Variants in RMND1 observed in about 807,000 individuals in gnomAD.
RMND1 encodes the protein required for meiotic nuclear division 1 homolog, also known as required for meiotic nuclear division protein 1 homolog.
RMND1 carries 41 observed loss-of-function variants against 54.0 expected under a neutral mutation model. The observed-to-expected ratio is 0.76, with a 90% CI of 0.59 to 0.98. The LOEUF (loss-of-function observed/expected upper bound fraction) is 0.98, where lower values mean the gene tolerates loss of function less well. Ranked by LOEUF, RMND1 falls within the 50% of genes least tolerant of loss-of-function variation. The pLI is 0.00. For missense variants in RMND1, 457 were observed against 532.0 expected (o/e 0.86, Z 1.39); for synonymous variants, 183 against 181.7 (o/e 1.01, Z -0.06).
intron 9 of RMND1, 26 bp downstream of exon 9, chr6:151,421,219 A>G: frequency 6.7e-7 from 1 of 1,486,308 alleles, no homozygotes; most frequent in East Asian, 2.3e-5. Flanking sequence ...TATATGAAAT[A>G]TTTTATTTAG....
At chr6:151,440,777 T>C (rs1053202318) in intron 2 of RMND1, among the ~76,000 whole-genome samples, 2 of 152,262 alleles carry the variant, frequency 1.3e-5, no homozygotes, top group African/African-American at 4.8e-5. Flanking sequence ...CTTTTTTTAT[T>C]TTAGCCTATT....
intron 1 of RMND1, among the ~76,000 whole-genome samples, chr6:151,446,253 T>A (rs1172952772): frequency 1.3e-5 from 2 of 151,882 alleles, no homozygotes; most frequent in African/African-American, 4.8e-5. Context: ...TGAAACCTCA[T>A]CTCTACAAAA....
At chr6:151,445,921 A>C (rs1780941637) in intron 1 of RMND1, 96 bp from the exon 2 acceptor site, 1 of 1,170,534 alleles carries the variant, frequency 8.5e-7, no homozygotes, top group South Asian at 1.7e-5. Flanking sequence ...TGTTAGAAAA[A>C]TTTGTAAAAC....
At chr6:151,425,946 C>CT (rs67910450) in intron 6 of RMND1, among the ~76,000 whole-genome samples, 50,158 of 137,580 alleles carry the variant, frequency 0.36, 9,532 homozygotes, top group African/African-American at 0.44. Context: ...GCTTTTAACG[C>CT]TTTTTTTTTT....
At chr6:151,431,257 T>C (rs1168011614) in intron 4 of RMND1, among the ~76,000 whole-genome samples, 1 of 151,700 alleles carries the variant, frequency 6.6e-6, no homozygotes, top group African/African-American at 2.4e-5. Flanking sequence ...GGTCAAGCAG[T>C]GGGCAAGCAG....
chr6:151,430,303 A>G, intron 4 of RMND1, 126 bp from the exon 5 acceptor site: 1 of 630,346 alleles, frequency 1.6e-6, no homozygotes, highest in Admixed American at 2.6e-5. Flanking sequence ...GATGGTACTT[A>G]CTAATTTGAT....
intron 1 of RMND1, among the ~76,000 whole-genome samples, chr6:151,448,621 C>T (rs1362984369): frequency 6.6e-6 from 1 of 152,170 alleles, no homozygotes; most frequent in South Asian, 2.1e-4. Context: ...ATAATACTAC[C>T]TGATCCAAAC....
intron 2 of RMND1, among the ~76,000 whole-genome samples, chr6:151,440,367 A>C (rs1203189547): frequency 1.3e-5 from 2 of 152,268 alleles, no homozygotes; most frequent in Non-Finnish European, 2.9e-5. Flanking sequence ...CTGGTATCCC[A>C]AATTATGTGA....
At chr6:151,441,898 A>G (rs1420058248) in intron 2 of RMND1, among the ~76,000 whole-genome samples, 3 of 152,208 alleles carry the variant, frequency 2.0e-5, no homozygotes, top group African/African-American at 7.2e-5. Flanking sequence ...GATGGTTGTC[A>G]TAGAGCTGGT....
At chr6:151,441,768 G>A (rs1780782655) in intron 2 of RMND1, among the ~76,000 whole-genome samples, 1 of 152,158 alleles carries the variant, frequency 6.6e-6, no homozygotes, top group Non-Finnish European at 1.5e-5. Context: ...ACTTCACTCT[G>A]TGCACCTCTA....
chr6:151,427,950 G>C (rs1780348876), intron 5 of RMND1, among the ~76,000 whole-genome samples: 1 of 151,930 alleles, frequency 6.6e-6, no homozygotes, highest in African/African-American at 2.4e-5. Context: ...GACCAGCCTG[G>C]GCAACGTGGC....
At chr6:151,433,953 C>T (rs1253924879) in intron 3 of RMND1, among the ~76,000 whole-genome samples, 1 of 139,874 alleles carries the variant, frequency 7.1e-6, no homozygotes, top group Non-Finnish European at 1.5e-5. Context: ...CCCCCCGCCC[C>T]ACCCACCTCA....
At chr6:151,438,153 CTAGTTCT>C (rs1780666327) in intron 2 of RMND1, among the ~76,000 whole-genome samples, 1 of 152,160 alleles carries the variant, frequency 6.6e-6, no homozygotes, top group Non-Finnish European at 1.5e-5. Flanking sequence ...CCTGTGAGCA[CTAGTTCT>C]TTTTAAGGCT....
At chr6:151,446,507 G>C (rs1229750879) in intron 1 of RMND1, among the ~76,000 whole-genome samples, 1 of 152,080 alleles carries the variant, frequency 6.6e-6, no homozygotes, top group Non-Finnish European at 1.5e-5. Flanking sequence ...CTTGGGGCTG[G>C]GCATGGGAGT....
intron 2 of RMND1, among the ~76,000 whole-genome samples, chr6:151,443,493 T>G (rs1051353478): frequency 1.3e-5 from 2 of 152,120 alleles, no homozygotes; most frequent in Admixed American, 1.3e-4. Context: ...TGTATATTTG[T>G]AGAGACAGGG....
intron 1 of RMND1, among the ~76,000 whole-genome samples, chr6:151,450,401 G>A (rs1205511159): frequency 6.9e-6 from 1 of 144,542 alleles, no homozygotes; most frequent in African/African-American, 2.8e-5. Context: ...CCGGGAGGGA[G>A]GTGGGGGTCA....
At chr6:151,412,633 A>C (rs1160868564) in intron 10 of RMND1, among the ~76,000 whole-genome samples, 3 of 152,198 alleles carry the variant, frequency 2.0e-5, no homozygotes, top group African/African-American at 4.8e-5. Flanking sequence ...TTATAAAGAA[A>C]AGAGGCCTAA....
At chr6:151,405,424 T>G (rs187824985) in intron 11 of RMND1, among the ~76,000 whole-genome samples, 157 bp from the exon 12 acceptor site, 13 of 152,316 alleles carry the variant, frequency 8.5e-5, no homozygotes, top group Admixed American at 7.8e-4. Context: ...TACGGGTGCT[T>G]GATTTGATGT....
Position 151,421,151 on chromosome 6 carries a change from G to A in RMND1, c.1079+94C>T, listed in dbSNP as rs3800269. ...GAAAACAGCTACAGTTCCCATAAACGTGTAAATGTTTGCTCTTCACCACAG... is the reference window on the plus strand; with the variant it reads ...GAAAACAGCTACAGTTCCCATAAACATGTAAATGTTTGCTCTTCACCACAG... On this transcript the variant is annotated intron_variant, in intron 9 of 11. Coordinates refer to ENST00000444024, the MANE Select transcript of RMND1 (RefSeq NM_017909.4). 692 of 868,194 alleles carry A rather than the reference G, an allele frequency of 8.0e-4. 10 individuals are homozygous for A. The East Asian group carries it at 0.016, about 20-fold the overall frequency. The allele number at this position is 868,194 out of a possible 1,614,324, so 53.8% of individuals were successfully genotyped here. A position where few individuals can be genotyped will look rare whatever the true frequency, so the allele number is the denominator to read the frequency against.
Sources: allele counts gnomAD v4.1 joint callset (sites outside exome capture counted in the v4.1 genomes callset), GRCh38; gene constraint gnomAD v4.1.1; transcripts MANE v1.5; gene names NCBI Gene and HGNC (gene_info 2026-07-23, HGNC 2026-07-21).